Variants in UBXN7 observed in about 807,000 individuals in gnomAD.
UBXN7 encodes the protein UBX domain-containing protein 7.
A neutral mutation model predicts 58.0 loss-of-function variants in UBXN7; 9 were observed. That is an observed-to-expected ratio of 0.16 (90% CI 0.09 to 0.27). The LOEUF is 0.27. Among genes scored for constraint, UBXN7 ranks in the 10% least tolerant of loss-of-function variants. The probability of loss-of-function intolerance (pLI) is 1.00; values close to 1 mark genes in which losing one functional copy is unlikely to be tolerated. For missense variants in UBXN7, 328 were observed against 599.6 expected (o/e 0.55, Z 4.73); for synonymous variants, 208 against 205.0 (o/e 1.01, Z -0.12).
At chr3:196,363,359 T>A (rs534691409) in intron 8 of UBXN7, among the ~76,000 whole-genome samples, 5 of 151,450 alleles carry the variant, frequency 3.3e-5, no homozygotes, top group East Asian at 2.0e-4. Flanking sequence ...CGCATTTTTT[T>A]AAATATCAAA....
rs750298404 is a variant in UBXN7, at chr3:196,368,019, T to C, written c.834+9A>G. On this transcript the variant is annotated intron_variant, in intron 8 of 10. Transcript: ENST00000296328. The stretch of plus-strand genomic sequence containing the variant: ...TATTTTCCCATCACCACCTCCTAAT[T>C]ATACTTACTGAACGGGCACATTTTT... 6.2e-7 allele frequency: 1 copy of C among 1,611,198 alleles called. No homozygotes were observed. The highest frequency in any genetic ancestry group is 8.5e-7 in the Non-Finnish European group (1 of 1,179,108).
intron 1 of UBXN7, among the ~76,000 whole-genome samples, chr3:196,413,543 T>A (rs1329599566): frequency 6.6e-6 from 1 of 152,098 alleles, no homozygotes; most frequent in Non-Finnish European, 1.5e-5. Flanking sequence ...TTACTCAAAT[T>A]TGAGAAACAT....
chr3:196,409,189 T>G (rs557800269), intron 1 of UBXN7, among the ~76,000 whole-genome samples: 3 of 152,296 alleles, frequency 2.0e-5, no homozygotes, highest in East Asian at 3.9e-4. Flanking sequence ...TTTCTTCACT[T>G]GCTCACTGAG....
intron 1 of UBXN7, among the ~76,000 whole-genome samples, chr3:196,417,688 A>T (rs1213847966): frequency 7.9e-6 from 1 of 126,156 alleles, no homozygotes; most frequent in Non-Finnish European, 1.6e-5. Context: ...GGACTGCTTG[A>T]GCTCACAAGT....
At chr3:196,373,418 C>T (rs751654359) in intron 5 of UBXN7, among the ~76,000 whole-genome samples, 2 of 152,160 alleles carry the variant, frequency 1.3e-5, no homozygotes, top group African/African-American at 2.4e-5. Context: ...AAAACAATGG[C>T]AGAAAAGCAA....
chr3:196,375,020 A>AAGGAAGGAAGGAAGG (rs1728968453), intron 5 of UBXN7, among the ~76,000 whole-genome samples: 3 of 122,710 alleles, frequency 2.4e-5, no homozygotes, highest in African/African-American at 8.7e-5. Flanking sequence ...GGAAGGAAGG[A>AAGGAAGGAAGGAAGG]AGGAAGGAAG....
At chr3:196,372,768 C>T (rs1486141268) in intron 5 of UBXN7, among the ~76,000 whole-genome samples, 1 of 149,380 alleles carries the variant, frequency 6.7e-6, no homozygotes, top group African/African-American at 2.5e-5. Flanking sequence ...TTTTTTGAGA[C>T]GAGCTTTGCT....
chr3:196,375,316 C>T (rs1215150873), intron 5 of UBXN7, among the ~76,000 whole-genome samples: 1 of 151,112 alleles, frequency 6.6e-6, no homozygotes, highest in African/African-American at 2.4e-5. Flanking sequence ...TCATGTTATA[C>T]ATCTTAAATA....
chr3:196,424,043 C>A (rs1730771672), intron 1 of UBXN7, among the ~76,000 whole-genome samples: 1 of 152,040 alleles, frequency 6.6e-6, no homozygotes, highest in South Asian at 2.1e-4. Flanking sequence ...GTGCCCACCA[C>A]CATGCCCGGC....
chr3:196,396,446 A>C (rs958922099), intron 3 of UBXN7, among the ~76,000 whole-genome samples: 1 of 151,890 alleles, frequency 6.6e-6, no homozygotes, highest in African/African-American at 2.4e-5. Flanking sequence ...GATATCTGAA[A>C]CTTTTTAACT....
intron 1 of UBXN7, chr3:196,432,072 G>A (rs1193913529): frequency 4.9e-6 from 3 of 612,554 alleles, no homozygotes; most frequent in Admixed American, 5.2e-5. Context: ...TCCCAGGTCT[G>A]GGCTGGCGGG....
At chr3:196,418,515 A>C (rs1560243111) in intron 1 of UBXN7, among the ~76,000 whole-genome samples, 1 of 152,188 alleles carries the variant, frequency 6.6e-6, no homozygotes, top group East Asian at 1.9e-4. Flanking sequence ...AAAGCAGTAC[A>C]ATGAAGACAG....
At chr3:196,419,289 A>AAATT in intron 1 of UBXN7, among the ~76,000 whole-genome samples, 2 of 147,232 alleles carry the variant, frequency 1.4e-5, no homozygotes, top group Non-Finnish European at 3.0e-5. Context: ...GTCTCTAAAT[A>AAATT]AATTAAATAA....
chr3:196,395,978 C>T (rs1420080041), intron 3 of UBXN7, among the ~76,000 whole-genome samples: 1 of 152,074 alleles, frequency 6.6e-6, no homozygotes, highest in Non-Finnish European at 1.5e-5. Flanking sequence ...GTTGGCCAGG[C>T]TGGTCTCAAA....
At chr3:196,408,697 C>G (rs1461014069) in intron 1 of UBXN7, among the ~76,000 whole-genome samples, 1 of 152,128 alleles carries the variant, frequency 6.6e-6, no homozygotes, top group East Asian at 1.9e-4. Flanking sequence ...CATTTCAAAG[C>G]TGACAGCTAT....
intron 1 of UBXN7, among the ~76,000 whole-genome samples, chr3:196,425,423 TA>T (rs1227149161): frequency 6.6e-6 from 1 of 152,128 alleles, no homozygotes; most frequent in African/African-American, 2.4e-5. Flanking sequence ...ACTCCTTTTT[TA>T]ATAAATAAAA....
At position 196,431,045 on chromosome 3, in the gene UBXN7, T is replaced by C. The variant is rs559004923; in HGVS notation, c.73+1282A>G. Among the ~76,000 whole-genome samples, 4 of 152,178 alleles carry C rather than the reference T, an allele frequency of 2.6e-5. No individual in the cohort carries two copies. The South Asian group carries it at 8.3e-4, about 31-fold the overall frequency. Reference sequence around the variant, plus strand: ...AATGCGTCAAATATCTCGTTATCATTGCAAAGCAAAAAAATAAAACTTGCT... The same window carrying C: ...AATGCGTCAAATATCTCGTTATCATCGCAAAGCAAAAAAATAAAACTTGCT... On this transcript the variant is annotated intron_variant, in intron 1 of 10. Transcript: ENST00000296328.
intron 1 of UBXN7, among the ~76,000 whole-genome samples, chr3:196,425,372 ACT>A (rs1448653001): frequency 6.6e-6 from 1 of 150,952 alleles, no homozygotes; most frequent in Non-Finnish European, 1.5e-5. Context: ...TAGCCAAGTA[ACT>A]CTTTCTTTAA....
chr3:196,423,384 G>A (rs1378586429), intron 1 of UBXN7: 4 of 226,928 alleles, frequency 1.8e-5, no homozygotes, highest in African/African-American at 9.4e-5. Flanking sequence ...CAGTGCCTGT[G>A]TGGGCCAATG....
Sources: allele counts gnomAD v4.1 joint callset (sites outside exome capture counted in the v4.1 genomes callset), GRCh38; gene constraint gnomAD v4.1.1; transcripts MANE v1.5; gene names NCBI Gene and HGNC (gene_info 2026-07-23, HGNC 2026-07-21).